NOL4L: variants seen among roughly 807,000 people sequenced by gnomAD.
NOL4L encodes the protein nucleolar protein 4 like.
In NOL4L, 7 loss-of-function variants were observed where a neutral mutation model predicts 64.5. The ratio of observed to expected loss-of-function variants is 0.11; its 90% confidence interval spans 0.06 to 0.20. NOL4L has a LOEUF of 0.20. NOL4L is among the 10% of genes least tolerant of loss of function. The pLI is 1.00. For synonymous variants in NOL4L, 413 were observed against 401.0 expected, an observed-to-expected ratio of 1.03 and a Z score of -0.36; for missense variants, 680 against 967.1, an observed-to-expected ratio of 0.70 and a Z score of 3.94.
chr20:32,540,581 G>A (rs1291399839), intron 1 of NOL4L, among the ~76,000 whole-genome samples: 1 of 152,122 alleles, frequency 6.6e-6, no homozygotes, highest in African/African-American at 2.4e-5. Context: ...TCCTTTTTGA[G>A]GGTCTTCTCT....
At chr20:32,485,017 G>A (rs1359519827) in intron 4 of NOL4L, among the ~76,000 whole-genome samples, 4 of 131,676 alleles carry the variant, frequency 3.0e-5, no homozygotes, top group Non-Finnish European at 4.6e-5. Context: ...GCTTCAACAA[G>A]GATGGGGAAC....
At chr20:32,448,899 C>A (rs981876597) in intron 10 of NOL4L, among the ~76,000 whole-genome samples, 5 of 152,196 alleles carry the variant, frequency 3.3e-5, no homozygotes, top group Non-Finnish European at 7.3e-5. Flanking sequence ...GGCCTCAGAG[C>A]CCTCATCTGC....
At chr20:32,487,356 G>A (rs540246596) in intron 4 of NOL4L, among the ~76,000 whole-genome samples, 1 of 152,002 alleles carries the variant, frequency 6.6e-6, no homozygotes, top group Non-Finnish European at 1.5e-5. Flanking sequence ...GTGTGGACAA[G>A]GGGTGGGGGA....
In NOL4L at chr20:32,460,986, G is replaced by A. The variant is rs1034906242; in HGVS notation, c.842-4591C>T. Among the ~76,000 whole-genome samples the A allele has an allele frequency of 2.6e-5, 4 of 152,176 alleles. No homozygotes were observed. The highest frequency in any genetic ancestry group is 2.1e-4 in the South Asian group (1 of 4,836). On this transcript the variant is annotated intron_variant, in intron 5 of 10. Transcript: ENST00000621426. The surrounding 1 kb of genome is among the most constrained non-coding windows in gnomAD (Gnocchi z 5.7). ...CAGGGAAGCCCTCCCTACCTGCCCC[G>A]ATCTCCATCGTGGCACCGGCTGTGG...
At chr20:32,536,035 C>G in intron 1 of NOL4L, 1 of 985,672 alleles carries the variant, frequency 1.0e-6, no homozygotes. Flanking sequence ...AAGGGGCTGT[C>G]CTGCCTGGGC....
intron 1 of NOL4L, among the ~76,000 whole-genome samples, chr20:32,543,803 A>C (rs73248057): frequency 0.012 from 1,868 of 152,028 alleles, 37 homozygotes; most frequent in African/African-American, 0.037. Context: ...AAAAAACAAA[A>C]AAAAAAAGAT....
intron 1 of NOL4L, among the ~76,000 whole-genome samples, chr20:32,547,116 C>G (rs1253849933): frequency 2.6e-5 from 4 of 152,194 alleles, no homozygotes; most frequent in Admixed American, 2.0e-4. Flanking sequence ...TCACCCTGCT[C>G]TAAGTGCTTT....
intron 5 of NOL4L, among the ~76,000 whole-genome samples, chr20:32,474,357 C>G (rs1016956668): frequency 6.6e-6 from 1 of 152,262 alleles, no homozygotes; most frequent in Admixed American, 6.5e-5. Flanking sequence ...CCCCCCGCCC[C>G]GCAGGCTGCC....
chr20:32,525,083 G>A (rs2018081828), intron 2 of NOL4L, among the ~76,000 whole-genome samples: 1 of 152,216 alleles, frequency 6.6e-6, no homozygotes, highest in Non-Finnish European at 1.5e-5. Flanking sequence ...GGGAAGTGGG[G>A]CACGCGGCAG....
intron 1 of NOL4L, among the ~76,000 whole-genome samples, chr20:32,550,152 C>T (rs1024459874): frequency 3.9e-5 from 6 of 152,196 alleles, no homozygotes; most frequent in South Asian, 2.1e-4. Context: ...GTGATTGCAT[C>T]GTTGTGCGAA....
At chr20:32,533,693 T>C (rs1306322559) in intron 1 of NOL4L, among the ~76,000 whole-genome samples, 2 of 152,228 alleles carry the variant, frequency 1.3e-5, no homozygotes, top group Non-Finnish European at 2.9e-5. Context: ...ACGCCCTGCA[T>C]CCTGACATCA....
At chr20:32,488,748 T>TTCCC (rs2016213268) in intron 4 of NOL4L, among the ~76,000 whole-genome samples, 1 of 33,592 alleles carries the variant, frequency 3.0e-5, no homozygotes, top group East Asian at 2.4e-3. Context: ...TTTCTTTCTT[T>TTCCC]TCCTTCCTTC....
chr20:32,529,077 A>T (rs1344558157), intron 1 of NOL4L, among the ~76,000 whole-genome samples: 1 of 152,184 alleles, frequency 6.6e-6, no homozygotes, highest in Non-Finnish European at 1.5e-5. Flanking sequence ...TCAGTAAATA[A>T]TGACTGAATG....
chr20:32,516,663 A>C (rs914617892), intron 3 of NOL4L, among the ~76,000 whole-genome samples: 11 of 152,204 alleles, frequency 7.2e-5, no homozygotes, highest in African/African-American at 2.7e-4. Flanking sequence ...TTTACAGATG[A>C]GGCAACAGCA....
chr20:32,555,648 G>C (rs886276050), intron 1 of NOL4L, among the ~76,000 whole-genome samples: 6 of 152,120 alleles, frequency 3.9e-5, no homozygotes, highest in African/African-American at 1.4e-4. Flanking sequence ...CCTTAGTGTG[G>C]GCCGCACTCT....
intron 4 of NOL4L, among the ~76,000 whole-genome samples, chr20:32,483,111 C>A (rs981073161): frequency 1.3e-5 from 2 of 149,256 alleles, no homozygotes; most frequent in Non-Finnish European, 1.5e-5. Flanking sequence ...CATCGCCCCC[C>A]CTCCACTCTC....
intron 6 of NOL4L, among the ~76,000 whole-genome samples, chr20:32,454,384 C>A: frequency 6.6e-6 from 1 of 152,198 alleles, no homozygotes; most frequent in Non-Finnish European, 1.5e-5. Context: ...AGCACAGTGG[C>A]CCCTTGAGAA....
intron 4 of NOL4L, among the ~76,000 whole-genome samples, chr20:32,484,593 C>T (rs902747872): frequency 1.3e-5 from 2 of 152,224 alleles, no homozygotes; most frequent in Non-Finnish European, 2.9e-5. Flanking sequence ...CCCGCCCCCG[C>T]CCCGCCGCCG....
Sources: allele counts gnomAD v4.1 joint callset (sites outside exome capture counted in the v4.1 genomes callset), GRCh38; gene constraint gnomAD v4.1.1; non-coding constraint Gnocchi (gnomAD v3.1); transcripts MANE v1.5; gene names NCBI Gene and HGNC (gene_info 2026-07-23, HGNC 2026-07-21).